The following MEGF6 variants were observed in gnomAD, a reference collection of about 807,000 sequenced individuals.
MEGF6 encodes multiple epidermal growth factor-like domains protein 6.
A neutral mutation model predicts 207.1 loss-of-function variants in MEGF6; 184 were observed. The ratio of observed to expected loss-of-function variants is 0.89; its 90% CI spans 0.79 to 1.00. The LOEUF (loss-of-function observed/expected upper bound fraction) is 1.00. Among genes scored for constraint, MEGF6 ranks in the 50% least tolerant of loss-of-function variants. The pLI, the probability that MEGF6 is intolerant of heterozygous loss-of-function variation, is 0.00. For missense variants in MEGF6, 2,282 were observed against 2,202.9 expected, an observed-to-expected ratio of 1.04 and a Z score of -0.72; for synonymous variants, 1,038 against 910.0, an observed-to-expected ratio of 1.14 and a Z score of -2.53.
chr1:3,554,372 G>A (rs1035856115), intron 4 of MEGF6, among the ~76,000 whole-genome samples: 1 of 152,124 alleles, frequency 6.6e-6, no homozygotes, highest in South Asian at 2.1e-4. Context: ...GGACCCAGCC[G>A]GGCCAGGCGG....
At chr1:3,597,975 G>A (rs544729414) in intron 2 of MEGF6, among the ~76,000 whole-genome samples, 2 of 152,344 alleles carry the variant, frequency 1.3e-5, no homozygotes, top group Non-Finnish European at 2.9e-5. Context: ...GCAGCGGGAG[G>A]ATGGAGACAG....
At chr1:3,559,522 TAAAAAAAAAAAA>T (rs59799522) in intron 4 of MEGF6, among the ~76,000 whole-genome samples, 1 of 105,530 alleles carries the variant, frequency 9.5e-6, no homozygotes, top group Admixed American at 1.1e-4. Flanking sequence ...CCTTGTCTCT[TAAAAAAAAAAAA>T]AAAAAAAAAA....
intron 26 of MEGF6, 46 bp from the exon 27 acceptor site, chr1:3,497,407 GGGATCTGTGGGCCA>G: frequency 6.8e-7 from 1 of 1,479,558 alleles, no homozygotes; most frequent in Non-Finnish European, 9.0e-7. Flanking sequence ...GGGGCCCGTG[GGGATCTGTGGGCCA>G]GGACAGGCCG....
At chr1:3,595,268 G>C (rs1357565788) in intron 3 of MEGF6, 70 bp downstream of exon 3, 3 of 1,098,258 alleles carry the variant, frequency 2.7e-6, no homozygotes, top group Non-Finnish European at 4.1e-6. Flanking sequence ...GCCCGGGGCA[G>C]ATTCATGGCT....
At chr1:3,498,566 T>C in intron 25 of MEGF6, 67 bp from the exon 26 acceptor site, 8 of 1,498,788 alleles carry the variant, frequency 5.3e-6, no homozygotes, top group Non-Finnish European at 7.1e-6. Flanking sequence ...CCCTGACCCA[T>C]GCTTCCTGCA....
chr1:3,599,386 C>T (rs780116057), intron 2 of MEGF6, among the ~76,000 whole-genome samples: 8 of 152,226 alleles, frequency 5.3e-5, no homozygotes, highest in Non-Finnish European at 1.0e-4. Flanking sequence ...TGCTGCCTCT[C>T]GCCCTCGGCT....
At chr1:3,521,310 G>A (rs554501809) in intron 5 of MEGF6, among the ~76,000 whole-genome samples, 1 of 152,286 alleles carries the variant, frequency 6.6e-6, no homozygotes, top group Admixed American at 6.5e-5. Context: ...GGCAGTGGAG[G>A]GCGAAGGGTC....
At position 3,500,985 on chromosome 1, in the gene MEGF6, G is replaced by A. The variant is rs184011657; in HGVS notation, c.2556C>T (p.Thr852=). The A allele has an allele frequency of 5.2e-5, 84 of 1,612,000 alleles. No homozygotes were observed. Among genetic ancestry groups the A allele is most frequent in the Admixed American group, 1.8e-4 (11 of 60,012 alleles). ...TGHCSCAPGW[T]GFSCQRACDT... is the part of the protein sequence containing the mutation. ...CCGTACCTCTCTGGCAGCTAAAGCC[G>A]GTCCACCCGGGGGCACAGCTGCAGT... Residue 852 remains threonine, a synonymous_variant, in exon 20 of 37, where the codon ACC becomes ACT. Transcript: ENST00000356575.
At chr1:3,551,452 A>G (rs912565012) in intron 4 of MEGF6, among the ~76,000 whole-genome samples, 3 of 152,072 alleles carry the variant, frequency 2.0e-5, no homozygotes, top group African/African-American at 7.2e-5. Flanking sequence ...AGCTCCACAC[A>G]TCACTCTGGG....
chr1:3,572,878 T>TGG lies in MEGF6; in HGVS notation c.481+6945_481+6946dup, dbSNP rs557967483. 8.0e-5 allele frequency among the ~76,000 whole-genome samples: 11 copies of TGG among 138,292 alleles called. 1 individual carries two copies. The South Asian group carries it at 2.7e-3, about 34-fold the overall frequency. The allele number at this position is 138,292 out of a possible 152,430, so 90.7% of individuals were successfully genotyped here. On this transcript the variant is annotated intron_variant, in intron 4 of 36. Transcript: ENST00000356575. ...GTGTGCTGGGTTCTCCTGGGTGTGCTGGGTCCTTCCTGGGTGTGCTGGGTT... is the reference window on the plus strand; with the variant it reads ...GTGTGCTGGGTTCTCCTGGGTGTGCTGGGGGTCCTTCCTGGGTGTGCTGGGTT...
In MEGF6 at chr1:3,510,869, T is replaced by C; in HGVS notation, c.1148A>G (p.Gln383Arg). 1 of 1,609,782 alleles carries C rather than the reference T, an allele frequency of 6.2e-7. No individual in the cohort carries two copies. Among genetic ancestry groups the C allele is most frequent in the Non-Finnish European group, 8.5e-7 (1 of 1,177,428 alleles). The change falls in exon 10 of 37, where the codon CAG becomes CGG. Residue 383 changes from glutamine (Q) to arginine (R), a missense_variant. Coordinates refer to ENST00000356575, the MANE Select transcript of MEGF6 (RefSeq NM_001409.4). ...GCCAGGGTTGTTGGTGCACACCTGC[T>C]GGCAGCACGGGCTGTCTGCACAGTC... ...VDDCADSPCC[Q>R]QVCTNNPGGY...
At chr1:3,621,321 C>T in the MEGF6 span, among the ~76,000 whole-genome samples, 4 of 152,216 alleles carry the variant, frequency 2.6e-5, no homozygotes, top group African/African-American at 4.8e-5. Context: ...CTGGTGTTAC[C>T]GCTAGACCAA....
intron 4 of MEGF6, among the ~76,000 whole-genome samples, chr1:3,578,274 A>G (rs1643697655): frequency 6.6e-6 from 1 of 152,254 alleles, no homozygotes; most frequent in Non-Finnish European, 1.5e-5. Flanking sequence ...GCGTGAAACC[A>G]AAGTCAAGCG....
intron 5 of MEGF6, among the ~76,000 whole-genome samples, chr1:3,522,945 G>A (rs111983845): frequency 3.3e-5 from 5 of 152,316 alleles, no homozygotes; most frequent in African/African-American, 9.6e-5. Flanking sequence ...GGCTGGGGCC[G>A]CACCCCCGTC....
At chr1:3,553,929 C>T (rs754170200) in intron 4 of MEGF6, among the ~76,000 whole-genome samples, 30 of 152,318 alleles carry the variant, frequency 2.0e-4, no homozygotes, top group Admixed American at 4.6e-4. Context: ...GTGGGTGGCA[C>T]GGCTGGGGCC....
intron 21 of MEGF6, 129 bp from the exon 22 acceptor site, chr1:3,500,053 A>T: frequency 7.5e-7 from 1 of 1,336,148 alleles, no homozygotes; most frequent in South Asian, 1.5e-5. Context: ...TTCCTGCCCA[A>T]GGGAGACTGG....
Position 3,507,838 on chromosome 1 carries a change from G to A in MEGF6, c.1746C>T (p.Ala582=). 1 of 1,612,824 alleles carries A rather than the reference G, an allele frequency of 6.2e-7. No homozygotes were observed. The highest frequency in any genetic ancestry group is 8.5e-7 in the Non-Finnish European group (1 of 1,179,962). Residue 582 remains alanine (A), a synonymous_variant, in exon 14 of 37, where the codon GCC becomes GCT. Coordinates refer to ENST00000356575, the MANE Select transcript of MEGF6 (RefSeq NM_001409.4). ...CACTGACACCCGGGGGGCAGCGGCA[G>A]GCCCCCGTGACAGAGTCGCAGGTCC... ...NGGTCDSVTG[A]CRCPPGVSGT...
At chr1:3,509,375 C>G (rs1641247324) in intron 11 of MEGF6, 130 bp from the exon 12 acceptor site, 2 of 722,152 alleles carry the variant, frequency 2.8e-6, no homozygotes, top group African/African-American at 3.7e-5. Flanking sequence ...CTCCACTACC[C>G]CCACCTCCTC....
intron 5 of MEGF6, among the ~76,000 whole-genome samples, chr1:3,523,825 C>G (rs564921055): frequency 1.3e-5 from 2 of 152,362 alleles, no homozygotes; most frequent in Admixed American, 1.3e-4. Context: ...CGGGCTCACT[C>G]CCCTGTCCAC....
Sources: allele counts gnomAD v4.1 joint callset (sites outside exome capture counted in the v4.1 genomes callset), GRCh38; gene constraint gnomAD v4.1.1; transcripts MANE v1.5; gene names NCBI Gene and HGNC (gene_info 2026-07-23, HGNC 2026-07-21).